WDR27: variants seen among roughly 807,000 people sequenced by gnomAD.
WDR27 encodes WD repeat domain 27.
A neutral mutation model predicts 114.4 loss-of-function variants in WDR27; 100 were observed. The observed-to-expected ratio is 0.87, with a 90% CI of 0.74 to 1.03. WDR27 has a LOEUF of 1.03. WDR27 is among the 50% of genes least tolerant of loss of function. WDR27 has a pLI of 0.00. For synonymous variants in WDR27, 449 were observed against 423.1 expected, an observed-to-expected ratio of 1.06 and a Z score of -0.75; for missense variants, 1,129 against 1,092.9, an observed-to-expected ratio of 1.03 and a Z score of -0.47.
intron 1 of WDR27, among the ~76,000 whole-genome samples, chr6:169,697,220 C>CAGAG (rs1786353970): frequency 6.6e-6 from 1 of 152,068 alleles, no homozygotes; most frequent in African/African-American, 2.4e-5. Flanking sequence ...CCAGGCCACA[C>CAGAG]AGAGATAGGA....
intron 25 of WDR27, among the ~76,000 whole-genome samples, chr6:169,483,416 G>C (rs1301150599): frequency 6.6e-6 from 1 of 152,128 alleles, no homozygotes; most frequent in Non-Finnish European, 1.5e-5. Context: ...AGAAAATCTA[G>C]AAGAAATGGA....
At chr6:169,599,746 G>A (rs1807571157) in intron 23 of WDR27, among the ~76,000 whole-genome samples, 1 of 151,994 alleles carries the variant, frequency 6.6e-6, no homozygotes, top group African/African-American at 2.4e-5. Context: ...AGGGTTTTTT[G>A]TGTCTCTATT....
At chr6:169,501,222 C>T (rs538886239) in intron 25 of WDR27, among the ~76,000 whole-genome samples, 1 of 152,324 alleles carries the variant, frequency 6.6e-6, no homozygotes, top group Non-Finnish European at 1.5e-5. Context: ...GAGACGAACC[C>T]GATCCACCTG....
At chr6:169,550,054 G>C (rs1436788096) in intron 25 of WDR27, among the ~76,000 whole-genome samples, 1 of 152,096 alleles carries the variant, frequency 6.6e-6, no homozygotes, top group Admixed American at 6.5e-5. Flanking sequence ...GTCAATGTAG[G>C]TTCATCAACA....
chr6:169,595,414 C>A (rs769526217), intron 23 of WDR27, among the ~76,000 whole-genome samples: 57 of 152,302 alleles, frequency 3.7e-4, no homozygotes, highest in Non-Finnish European at 7.2e-4. Context: ...TAGTTCCCTA[C>A]TATGCCCAAT....
rs1377980844 is a variant in WDR27, at chr6:169,701,717, C to G, written c.-174G>C. On this transcript the variant is annotated 5_prime_UTR_variant, in exon 1 of 26. Transcript: ENST00000448612. ...CGGGTGACGAGACAGCGGGCAACGG[C>G]TCTGGTCCAGAGCGCGCGTGTCCGC... is the stretch of plus-strand genomic sequence containing the variant. The G allele has an allele frequency of 4.8e-6, 1 of 210,034 alleles. No homozygotes were observed. Among genetic ancestry groups the G allele is most frequent in the Non-Finnish European group, 9.8e-6 (1 of 102,476 alleles). The allele number at this position is 210,034 out of a possible 1,614,324, so 13.0% of individuals were successfully genotyped here.
intron 22 of WDR27, 93 bp from the exon 23 acceptor site, chr6:169,602,414 A>T: frequency 1.3e-6 from 1 of 745,108 alleles, no homozygotes; most frequent in South Asian, 1.8e-5. Context: ...TTTCTTCACA[A>T]AAAGGAACAA....
At chr6:169,539,649 T>C (rs868072970) in intron 25 of WDR27, among the ~76,000 whole-genome samples, 21 of 152,194 alleles carry the variant, frequency 1.4e-4, no homozygotes, top group African/African-American at 4.6e-4. Context: ...AAGGAGGCAA[T>C]GTCAGTGCTA....
intron 25 of WDR27, among the ~76,000 whole-genome samples, chr6:169,531,447 A>G (rs773955541): frequency 1.3e-5 from 2 of 152,176 alleles, no homozygotes; most frequent in African/African-American, 4.8e-5. Context: ...GAGAAAGACA[A>G]TTCAGTAGTA....
At chr6:169,556,284 G>A (rs1056908478) in intron 25 of WDR27, among the ~76,000 whole-genome samples, 8 of 152,154 alleles carry the variant, frequency 5.3e-5, no homozygotes, top group Admixed American at 3.3e-4. Flanking sequence ...TCCTTGGTGA[G>A]CTTGCAAGCA....
chr6:169,637,549 T>A (rs1817923658), intron 18 of WDR27, among the ~76,000 whole-genome samples: 1 of 152,174 alleles, frequency 6.6e-6, no homozygotes, highest in African/African-American at 2.4e-5. Flanking sequence ...GCCTATTGCA[T>A]GTGTGTGAAT....
In WDR27 at chr6:169,465,541, G is replaced by C. The variant is rs532437924; in HGVS notation, c.2646-7907C>G. Among the ~76,000 whole-genome samples the C allele has an allele frequency of 3.9e-5, 6 of 152,174 alleles. No individual in the cohort carries two copies. In the South Asian group the frequency reaches 1.2e-3, roughly 32 times the overall value. On this transcript the variant is annotated intron_variant, in intron 25 of 25. Transcript: ENST00000448612. The stretch of plus-strand genomic sequence containing the variant: ...CATATTATCCAGCAATTTCACCTCT[G>C]GGTATATATGCAAAAGAACTGAACG...
chr6:169,427,440 G>GCC, the WDR27 span, among the ~76,000 whole-genome samples: 1 of 151,878 alleles, frequency 6.6e-6, no homozygotes, highest in Non-Finnish European at 1.5e-5. Context: ...AGGACCGTGG[G>GCC]CCCCCCATCT....
chr6:169,517,240 T>C (rs923113973), intron 25 of WDR27, among the ~76,000 whole-genome samples: 1 of 152,138 alleles, frequency 6.6e-6, no homozygotes, highest in Non-Finnish European at 1.5e-5. Flanking sequence ...TTCACCTTCA[T>C]CCCTGAGTTA....
rs372202380 is a variant in WDR27 at position 169,580,879 on chromosome 6, C to A, written c.2523+1957G>T. Among the ~76,000 whole-genome samples, 30 of 148,586 alleles carry A rather than the reference C, an allele frequency of 2.0e-4. No individual in the cohort carries two copies. The East Asian group carries it at 2.8e-3, about 14-fold the overall frequency. ...AAGGAAATTTTTAAAAATAAGGAAC[C>A]AGCCAAATTTTTAAAAATAAGGAAA... On this transcript the variant is annotated intron_variant, in intron 24 of 25. Coordinates refer to ENST00000448612, the MANE Select transcript of WDR27 (RefSeq NM_182552.5).
chr6:169,698,388 A>G (rs999618188), intron 1 of WDR27, among the ~76,000 whole-genome samples: 4 of 152,154 alleles, frequency 2.6e-5, no homozygotes, highest in African/African-American at 4.8e-5. Flanking sequence ...GCAGGCAGAA[A>G]CATCGTCAGG....
In WDR27 at chr6:169,651,960, A is replaced by G. The variant is rs778593800; in HGVS notation, c.1451T>C (p.Val484Ala). Residue 484 changes from valine (V) to alanine (A), a missense_variant, in exon 14 of 26, where the codon GTT (valine) becomes GCT (alanine). Physicochemically the swap from Val to Ala is moderately conservative, Grantham distance 64. Transcript: ENST00000448612. ...TGCTGACGCATAACCAGATGACCTA[A>G]CTTTACTATGGAAAACCAGGCGTTG... The part of the protein sequence containing the change: ...KDQRLVFHSK[V>A]RSSGYASAPH... 6 of 1,613,828 alleles carry G rather than the reference A, an allele frequency of 3.7e-6. No homozygotes were observed. The Admixed American group carries it at 1.0e-4, about 27-fold the overall frequency.
intron 1 of WDR27, among the ~76,000 whole-genome samples, chr6:169,689,500 A>G (rs560026768): frequency 3.3e-5 from 5 of 152,358 alleles, no homozygotes; most frequent in African/African-American, 1.2e-4. Context: ...TCCCATAACT[A>G]ACCTGGGCTT....
intron 1 of WDR27, among the ~76,000 whole-genome samples, chr6:169,700,186 A>G (rs749834260): frequency 6.6e-6 from 1 of 152,208 alleles, no homozygotes. Context: ...GGGGAGAGCA[A>G]CTAGTTTGTC....
Sources: allele counts gnomAD v4.1 joint callset (sites outside exome capture counted in the v4.1 genomes callset), GRCh38; gene constraint gnomAD v4.1.1; transcripts MANE v1.5; gene names NCBI Gene and HGNC (gene_info 2026-07-23, HGNC 2026-07-21).